Variants in TINAG observed in about 807,000 individuals in gnomAD.
TINAG encodes the protein tubulointerstitial nephritis antigen.
TINAG carries 83 observed loss-of-function variants against 72.7 expected under a neutral mutation model. The ratio of observed to expected loss-of-function variants is 1.14; its 90% CI spans 0.96 to 1.37. TINAG has a LOEUF of 1.37. Ranked by LOEUF, TINAG falls within the 40% of genes most tolerant of loss-of-function variation. The pLI, the probability that TINAG is intolerant of heterozygous loss-of-function variation, is 0.00. For missense variants in TINAG, 685 were observed against 576.6 expected, an observed-to-expected ratio of 1.19 and a Z score of -1.93; for synonymous variants, 234 against 189.9, an observed-to-expected ratio of 1.23 and a Z score of -1.91.
chr6:54,373,271 C>G (rs1196083523), intron 9 of TINAG, among the ~76,000 whole-genome samples: 1 of 152,084 alleles, frequency 6.6e-6, no homozygotes, highest in East Asian at 1.9e-4. Context: ...CAATCCCTCT[C>G]TCTTCCAAAA....
chr6:54,348,452 G>A (rs1277667126), intron 6 of TINAG, among the ~76,000 whole-genome samples: 1 of 152,010 alleles, frequency 6.6e-6, no homozygotes, highest in Admixed American at 6.6e-5. Context: ...TTGGGGTACT[G>A]TAACAAAATT....
At chr6:54,386,342 GCTGGATCCT>G (rs1481786258) in intron 10 of TINAG, among the ~76,000 whole-genome samples, 1 of 152,152 alleles carries the variant, frequency 6.6e-6, no homozygotes, top group Non-Finnish European at 1.5e-5. Context: ...AGTGTACCGA[GCTGGATCCT>G]CTGCTCATGA....
intron 9 of TINAG, among the ~76,000 whole-genome samples, chr6:54,377,832 A>C (rs948658101): frequency 6.6e-6 from 1 of 152,310 alleles, no homozygotes; most frequent in Non-Finnish European, 1.5e-5. Flanking sequence ...TCAAGAAGAC[A>C]GGAACTCTTT....
chr6:54,351,481 T>A, intron 8 of TINAG, 84 bp downstream of exon 8: 2 of 1,317,864 alleles, frequency 1.5e-6, no homozygotes, highest in Admixed American at 4.7e-5. Flanking sequence ...AGGAGTTTAA[T>A]AAAATAAAGA....
intron 1 of TINAG, among the ~76,000 whole-genome samples, chr6:54,318,697 T>A (rs1312414475): frequency 6.6e-6 from 1 of 152,110 alleles, no homozygotes; most frequent in Non-Finnish European, 1.5e-5. Context: ...ACATGATGTA[T>A]ATTTTTGACG....
intron 9 of TINAG, chr6:54,365,208 A>T (rs1328247390): frequency 6.6e-6 from 1 of 151,618 alleles, no homozygotes; most frequent in Non-Finnish European, 1.5e-5. Flanking sequence ...TAATTAGTAT[A>T]GACTTTGCAA....
intron 8 of TINAG, 39 bp from the exon 9 acceptor site, chr6:54,354,474 T>G: frequency 1.3e-6 from 2 of 1,566,074 alleles, no homozygotes; most frequent in Non-Finnish European, 1.7e-6. Context: ...AGATGATATT[T>G]TAATACTGTG....
At chr6:54,340,853 C>A (rs1784980321) in intron 4 of TINAG, among the ~76,000 whole-genome samples, 1 of 152,030 alleles carries the variant, frequency 6.6e-6, no homozygotes, top group Non-Finnish European at 1.5e-5. Context: ...ATAAAAGCGA[C>A]AAATGCATGC....
chr6:54,386,340 G>A (rs981934267), intron 10 of TINAG, among the ~76,000 whole-genome samples: 2 of 152,086 alleles, frequency 1.3e-5, no homozygotes, highest in East Asian at 1.9e-4. Context: ...CCAGTGTACC[G>A]AGCTGGATCC....
At chr6:54,313,009 C>G (rs1784292666) in intron 1 of TINAG, among the ~76,000 whole-genome samples, 1 of 152,098 alleles carries the variant, frequency 6.6e-6, no homozygotes, top group African/African-American at 2.4e-5. Context: ...TACATGCACC[C>G]TTGGGCCATT....
chr6:54,371,981 G>GTTTTTTTTTTTTTTTTTTTTTTTTTT (rs576340253), intron 9 of TINAG, among the ~76,000 whole-genome samples: 1 of 71,420 alleles, frequency 1.4e-5, no homozygotes, highest in African/African-American at 5.1e-5. Flanking sequence ...TTCAAGTCAT[G>GTTTTTTTTTTTTTTTTTTTTTTTTTT]TTTTTTTTTT....
At chr6:54,359,707 G>A (rs367614909) in intron 9 of TINAG, among the ~76,000 whole-genome samples, 2 of 151,778 alleles carry the variant, frequency 1.3e-5, no homozygotes, top group Non-Finnish European at 2.9e-5. Context: ...AGGCAAATTA[G>A]TTTTGGAAAA....
At chr6:54,331,996 T>C (rs1467663112) in intron 4 of TINAG, among the ~76,000 whole-genome samples, 2 of 152,102 alleles carry the variant, frequency 1.3e-5, no homozygotes, top group African/African-American at 4.8e-5. Context: ...CATGCTCATA[T>C]GCTCATGGAT....
chr6:54,380,480 C>T, intron 9 of TINAG, 46 bp from the exon 10 acceptor site: 1 of 1,534,770 alleles, frequency 6.5e-7, no homozygotes, highest in African/African-American at 1.4e-5. Context: ...AGAAGCAAAC[C>T]AAACATTTTA....
intron 9 of TINAG, among the ~76,000 whole-genome samples, chr6:54,375,732 C>T (rs1392621953): frequency 6.6e-6 from 1 of 152,122 alleles, no homozygotes; most frequent in African/African-American, 2.4e-5. Flanking sequence ...AAAGAACAAA[C>T]AACGTTACTT....
rs140197616 is a variant in TINAG at position 54,319,171 on chromosome 6, G to A, written c.356-1408G>A. Among the ~76,000 whole-genome samples, 14 of 152,178 alleles carry A rather than the reference G, an allele frequency of 9.2e-5. No homozygotes were observed. The East Asian group carries it at 2.1e-3, about 23-fold the overall frequency. The stretch of plus-strand genomic sequence containing the variant: ...ATTCATGAGGTATGATTAAAAATCA[G>A]CTTTGTTTTTATCCCACACTCTCAG... On this transcript the variant is annotated intron_variant, in intron 1 of 10. Coordinates refer to ENST00000259782, the MANE Select transcript of TINAG (RefSeq NM_014464.4).
At chr6:54,352,573 G>C (rs893873667) in intron 8 of TINAG, among the ~76,000 whole-genome samples, 3 of 151,750 alleles carry the variant, frequency 2.0e-5, no homozygotes, top group Non-Finnish European at 4.4e-5. Flanking sequence ...ATTAAGTGGT[G>C]CTTGTGTGAC....
chr6:54,375,901 C>G (rs1234596679), intron 9 of TINAG, among the ~76,000 whole-genome samples: 1 of 152,154 alleles, frequency 6.6e-6, no homozygotes, highest in African/African-American at 2.4e-5. Context: ...ATTCCATATT[C>G]AAATGGCTCT....
intron 9 of TINAG, among the ~76,000 whole-genome samples, chr6:54,364,593 T>G (rs1763348776): frequency 6.6e-6 from 1 of 151,444 alleles, no homozygotes; most frequent in Non-Finnish European, 1.5e-5. Context: ...GTTTCTTTTT[T>G]GTTAGATTTT....
Sources: allele counts gnomAD v4.1 joint callset (sites outside exome capture counted in the v4.1 genomes callset), GRCh38; gene constraint gnomAD v4.1.1; transcripts MANE v1.5; gene names NCBI Gene and HGNC (gene_info 2026-07-23, HGNC 2026-07-21).